The following TRIM36 variants were observed in gnomAD, a reference collection of about 807,000 sequenced individuals.
TRIM36 encodes the protein E3 ubiquitin-protein ligase TRIM36.
In TRIM36, 42 loss-of-function variants were observed where a neutral mutation model predicts 72.4. That is an observed-to-expected ratio of 0.58 (90% CI 0.45 to 0.75). The LOEUF is 0.75. Among genes scored for constraint, TRIM36 ranks in the 30% least tolerant of loss-of-function variants. The pLI is 0.00. For missense variants in TRIM36, 913 were observed against 857.1 expected, an observed-to-expected ratio of 1.07 and a Z score of -0.81; for synonymous variants, 315 against 282.8, an observed-to-expected ratio of 1.11 and a Z score of -1.14.
Position 115,133,872 on chromosome 5 carries a change from G to T in TRIM36, c.1486C>A (p.Pro496Thr), listed in dbSNP as rs773607884. The change falls in exon 8 of 10, where the codon CCT becomes ACT. Residue 496 changes from proline (P) to threonine (T), a missense_variant. Transcript: ENST00000513154. ...PCSRELILHT[P>T]PAPVFSFLFD... ...ATATTCACCATACCTGGAGCTGGAG[G>T]AGTATGAAGAATCAATTCTCTGCTG... 7 of 1,593,590 alleles carry T rather than the reference G, an allele frequency of 4.4e-6. No individual in the cohort carries two copies. In the South Asian group the frequency reaches 8.1e-5, roughly 18 times the overall value.
upstream of TRIM36, among the ~76,000 whole-genome samples, chr5:115,174,448 C>G (rs1755247671): frequency 6.6e-6 from 1 of 152,196 alleles, no homozygotes; most frequent in South Asian, 2.1e-4. Flanking sequence ...CACGGACCAC[C>G]TATACTGCTG....
rs187696341 is a variant in TRIM36, at chr5:115,153,151, C to T, written c.263-5757G>A. On this transcript the variant is annotated intron_variant, in intron 2 of 9. Transcript: ENST00000513154. Reference sequence around the variant, plus strand: ...TGCTGCCTTCAAGAGACTCACCTAACACATAAGGATTCACAAAAACTTAAG... The same window carrying T: ...TGCTGCCTTCAAGAGACTCACCTAATACATAAGGATTCACAAAAACTTAAG... Among the ~76,000 whole-genome samples the T allele has an allele frequency of 2.0e-5, 3 of 152,120 alleles. No individual in the cohort carries two copies. The East Asian group carries it at 5.8e-4, about 29-fold the overall frequency.
upstream of TRIM36, chr5:115,174,163 T>G (rs1755236165): frequency 6.6e-6 from 1 of 152,198 alleles, no homozygotes; most frequent in Non-Finnish European, 1.5e-5. Flanking sequence ...AACAAGAGAT[T>G]AAATTCATGG....
chr5:115,131,693 T>C (rs546738193), intron 8 of TRIM36, among the ~76,000 whole-genome samples: 2 of 152,334 alleles, frequency 1.3e-5, no homozygotes, highest in African/African-American at 2.4e-5. Context: ...TACATTTGGA[T>C]ACATGCTACA....
Position 115,147,139 on chromosome 5 carries a change from A to T in TRIM36, c.518T>A (p.Ile173Asn). 6.2e-7 allele frequency: 1 copy of T among 1,614,226 alleles called. No homozygotes were observed. Among genetic ancestry groups the T allele is most frequent in the Middle Eastern group, 1.6e-4 (1 of 6,062 alleles). The change falls in exon 3 of 10, where the codon ATT (isoleucine) becomes AAT (asparagine). Residue 173 changes from isoleucine to asparagine, a missense_variant. Physicochemically the swap from Ile to Asn is moderately radical, Grantham distance 149 (BLOSUM62 -3). Coordinates refer to ENST00000513154, the MANE Select transcript of TRIM36 (RefSeq NM_001300759.2). The part of the protein sequence containing the change: ...SASYCNECFK[I>N]HHPWGTIKAQ... ...TTTTATAGTACCCCAAGGGTGATGA[A>T]TTTTGAAGCATTCATTGCAGTAACT... is the stretch of plus-strand genomic sequence containing the variant.
chr5:115,176,677 C>G (rs895951053), intron 1 of TRIM36, among the ~76,000 whole-genome samples: 3 of 152,066 alleles, frequency 2.0e-5, no homozygotes, highest in Non-Finnish European at 2.9e-5. Context: ...TTATATGATT[C>G]CAGAAGCGGT....
At chr5:115,179,935 C>A (rs924652199) in intron 1 of TRIM36, 4 of 1,596,262 alleles carry the variant, frequency 2.5e-6, no homozygotes, top group Non-Finnish European at 2.6e-6. Flanking sequence ...GTGCCGGAGT[C>A]GGGGGCCCAG....
At chr5:115,175,847 G>A (rs557985340) in intron 1 of TRIM36, among the ~76,000 whole-genome samples, 10 of 152,216 alleles carry the variant, frequency 6.6e-5, no homozygotes, top group African/African-American at 1.9e-4. Flanking sequence ...TTTGTAGGCC[G>A]GATGCGGTGG....
intron 2 of TRIM36, chr5:115,148,438 T>TTTTTG (rs1753710905): frequency 3.4e-6 from 2 of 587,936 alleles, no homozygotes; most frequent in African/African-American, 2.0e-5. Context: ...TTTTTTTTTT[T>TTTTTG]AGATGGAGTC....
At chr5:115,178,824 G>A (rs1012044088) in intron 1 of TRIM36, among the ~76,000 whole-genome samples, 1 of 152,182 alleles carries the variant, frequency 6.6e-6, no homozygotes, top group African/African-American at 2.4e-5. Flanking sequence ...TCAGAGAGGC[G>A]TAGGGTTCAT....
At chr5:115,139,071 G>A (rs541679371) in intron 5 of TRIM36, among the ~76,000 whole-genome samples, 66 of 151,924 alleles carry the variant, frequency 4.3e-4, no homozygotes, top group African/African-American at 1.4e-3. Flanking sequence ...TGCCTGCCTC[G>A]GCCTCTCAAA....
chr5:115,170,670 T>C (rs908945373), upstream of TRIM36, among the ~76,000 whole-genome samples: 27 of 152,372 alleles, frequency 1.8e-4, no homozygotes, highest in Non-Finnish European at 2.6e-4. Context: ...TCACCGCACG[T>C]TCTTGCCCAG....
chr5:115,163,902 T>A (rs1251703616), intron 1 of TRIM36, 150 bp from the exon 2 acceptor site: 1 of 748,980 alleles, frequency 1.3e-6, no homozygotes, highest in African/African-American at 1.8e-5. Context: ...CCCAATAAAA[T>A]TTGATACCAT....
chr5:115,154,425 A>G (rs1310851493), intron 2 of TRIM36, among the ~76,000 whole-genome samples: 2 of 152,192 alleles, frequency 1.3e-5, no homozygotes, highest in South Asian at 2.1e-4. Context: ...GAAGATTAAT[A>G]AAATTGATAC....
chr5:115,169,804 G>C lies in TRIM36; in HGVS notation c.-170C>G. ...GGACCGACGCGGGGAGAAGTAAGCC[G>C]GGGCAGGCAAAAGCACAGGCGCGGG... On this transcript the variant is annotated 5_prime_UTR_variant, in exon 1 of 10. Transcript: ENST00000513154. 3 of 1,320,786 alleles carry C rather than the reference G, an allele frequency of 2.3e-6. No homozygotes were observed. The highest frequency in any genetic ancestry group is 3.4e-5 in the Admixed American group (1 of 29,634). The allele number at this position is 1,320,786 out of a possible 1,614,324, so 81.8% of individuals were successfully genotyped here.
chr5:115,133,182 A>G lies in TRIM36; in HGVS notation c.1498+678T>C, dbSNP rs74931505. Among the ~76,000 whole-genome samples, 150 of 152,318 alleles carry G rather than the reference A, an allele frequency of 9.8e-4. 1 individual carries two copies. The highest frequency in any genetic ancestry group is 3.2e-3 in the African/African-American group (135 of 41,578). ...TTTCCTGCTAACCAGGCTGAGCACAATTTTGGTTCTAAATATCCCTTGTTC... is the reference window on the plus strand; with the variant it reads ...TTTCCTGCTAACCAGGCTGAGCACAGTTTTGGTTCTAAATATCCCTTGTTC... On this transcript the variant is annotated intron_variant, in intron 8 of 9. Coordinates refer to ENST00000513154, the MANE Select transcript of TRIM36 (RefSeq NM_001300759.2).
chr5:115,138,694 T>C (rs1453904563), intron 5 of TRIM36, among the ~76,000 whole-genome samples: 1 of 152,184 alleles, frequency 6.6e-6, no homozygotes, highest in African/African-American at 2.4e-5. Flanking sequence ...GACCCTAGTG[T>C]TTGTTAAACA....
At chr5:115,165,052 TCAGGGTA>T (rs551036162) in intron 1 of TRIM36, among the ~76,000 whole-genome samples, 4 of 152,286 alleles carry the variant, frequency 2.6e-5, no homozygotes, top group Admixed American at 2.6e-4. Flanking sequence ...TGTCTCTCAT[TCAGGGTA>T]CGCTGATCCA....
At chr5:115,134,283 TATAG>T (rs1425149925) in intron 7 of TRIM36, 136 bp from the exon 8 acceptor site, 11 of 544,240 alleles carry the variant, frequency 2.0e-5, no homozygotes, top group Non-Finnish European at 2.4e-5. Flanking sequence ...TAATACTATA[TATAG>T]AAAGCACAAA....
Sources: allele counts gnomAD v4.1 joint callset (sites outside exome capture counted in the v4.1 genomes callset), GRCh38; gene constraint gnomAD v4.1.1; transcripts MANE v1.5; gene names NCBI Gene and HGNC (gene_info 2026-07-23, HGNC 2026-07-21).